The following IGF1R variants were observed in gnomAD, a reference collection of about 807,000 sequenced individuals.
IGF1R encodes insulin like growth factor 1 receptor.
Under a neutral mutation model 144.6 loss-of-function variants are expected in IGF1R, and 44 were observed. That is an observed-to-expected ratio of 0.30 (90% CI 0.24 to 0.39). The LOEUF is 0.39. Among genes scored for constraint, IGF1R ranks in the 10% least tolerant of loss-of-function variants. The pLI, the probability that IGF1R is intolerant of heterozygous loss-of-function variation, is 1.00. For missense variants in IGF1R, 1,355 were observed against 1,833.7 expected, an observed-to-expected ratio of 0.74 and a Z score of 4.77; for synonymous variants, 795 against 722.8, an observed-to-expected ratio of 1.10 and a Z score of -1.60.
At chr15:98,792,010 C>G (rs1035394783) in intron 2 of IGF1R, among the ~76,000 whole-genome samples, 7 of 152,188 alleles carry the variant, frequency 4.6e-5, no homozygotes, top group Non-Finnish European at 1.0e-4. Context: ...CAGGTTTAGA[C>G]AATTCTCCCT....
chr15:98,876,121 A>G (rs2013047739), intron 2 of IGF1R, among the ~76,000 whole-genome samples: 1 of 152,180 alleles, frequency 6.6e-6, no homozygotes, highest in South Asian at 2.1e-4. Flanking sequence ...TGGTTTGGGG[A>G]TCAAATAAGA....
intron 10 of IGF1R, among the ~76,000 whole-genome samples, chr15:98,918,979 G>T (rs73463693): frequency 0.018 from 2,778 of 152,294 alleles, 92 homozygotes; most frequent in African/African-American, 0.062. Flanking sequence ...CTGGTGTGTG[G>T]CAGGGCTTTG....
intron 2 of IGF1R, among the ~76,000 whole-genome samples, chr15:98,750,452 T>C (rs2141332552): frequency 6.6e-6 from 1 of 152,288 alleles, no homozygotes; most frequent in South Asian, 2.1e-4. Context: ...AAGAGCAGAG[T>C]TGGAGCCACA....
intron 2 of IGF1R, among the ~76,000 whole-genome samples, chr15:98,751,885 C>A (rs1411030336): frequency 6.6e-6 from 1 of 152,138 alleles, no homozygotes; most frequent in African/African-American, 2.4e-5. Flanking sequence ...TTTGTGTGGA[C>A]GTCTCCCACC....
intron 1 of IGF1R, among the ~76,000 whole-genome samples, chr15:98,680,084 A>G (rs2053151496): frequency 6.6e-6 from 1 of 152,174 alleles, no homozygotes; most frequent in Non-Finnish European, 1.5e-5. Context: ...TTAATTTATT[A>G]TTGAAGAAAG....
chr15:98,892,527 C>CAA (rs368474118), intron 3 of IGF1R, among the ~76,000 whole-genome samples: 25,637 of 75,478 alleles, frequency 0.34, 3,869 homozygotes, highest in East Asian at 0.62. Flanking sequence ...ACTCTGTCTC[C>CAA]AAAAAAAAAA....
At chr15:98,890,457 T>A (rs1390320698) in intron 2 of IGF1R, 2 of 152,240 alleles carry the variant, frequency 1.3e-5, no homozygotes, top group East Asian at 3.8e-4. Flanking sequence ...CTATATGGTC[T>A]AAAATGGAGA....
intron 2 of IGF1R, among the ~76,000 whole-genome samples, chr15:98,813,496 G>C (rs1298314819): frequency 2.6e-5 from 4 of 152,048 alleles, no homozygotes; most frequent in African/African-American, 4.8e-5. Flanking sequence ...CACAATAAAG[G>C]CTCTCCTCCA....
chr15:98,811,167 G>A (rs1306974948), intron 2 of IGF1R, among the ~76,000 whole-genome samples: 1 of 151,928 alleles, frequency 6.6e-6, no homozygotes, highest in East Asian at 2.0e-4. Context: ...CAGATGTGGT[G>A]GCACATGCCT....
intron 7 of IGF1R, among the ~76,000 whole-genome samples, chr15:98,911,663 G>A (rs578219394): frequency 1.3e-5 from 2 of 152,278 alleles, no homozygotes; most frequent in South Asian, 2.1e-4. Context: ...GTGTTAGCTC[G>A]AGGCCTGTCA....
chr15:98,689,471 C>T (rs1312941686), intron 1 of IGF1R, among the ~76,000 whole-genome samples: 50 of 151,910 alleles, frequency 3.3e-4, no homozygotes, highest in Non-Finnish European at 4.4e-5. Context: ...AAGCCATCTG[C>T]CTGCCTTGGC....
At chr15:98,946,739 T>C (rs1201708658) in intron 19 of IGF1R, among the ~76,000 whole-genome samples, 1 of 152,088 alleles carries the variant, frequency 6.6e-6, no homozygotes, top group Non-Finnish European at 1.5e-5. Context: ...AACTGGGAAC[T>C]TGGAATGGAG....
chr15:98,948,815 C>T (rs1264888686), intron 20 of IGF1R, 107 bp downstream of exon 20: 5 of 1,344,684 alleles, frequency 3.7e-6, no homozygotes, highest in Non-Finnish European at 4.2e-6. Flanking sequence ...TCTGGTCCTG[C>T]GCCTCCCTTG....
At position 98,960,902 on chromosome 15, in the gene IGF1R, C is replaced by G; in HGVS notation, c.*3460C>G. The G allele has an allele frequency of 4.3e-6, 1 of 233,184 alleles. No homozygotes were observed. Among genetic ancestry groups the G allele is most frequent in the Non-Finnish European group, 8.5e-6 (1 of 118,230 alleles). 14.4% of individuals were successfully genotyped at this position (233,184 alleles called of 1,614,324 possible). A position where few individuals can be genotyped will look rare whatever the true frequency, so the allele number is the denominator to read the frequency against. On this transcript the variant is annotated 3_prime_UTR_variant, in exon 21 of 21. Transcript: ENST00000650285. The stretch of plus-strand genomic sequence containing the variant: ...TGGCCGGCGCCGAGGCTCGTGGCGT[C>G]ACGCCCCCCCCGCCAGGGCTGTACC...
At chr15:98,902,746 T>C (rs1476506336) in intron 5 of IGF1R, among the ~76,000 whole-genome samples, 3 of 152,212 alleles carry the variant, frequency 2.0e-5, no homozygotes, top group African/African-American at 7.2e-5. Context: ...AGTGATAACA[T>C]AAATGTTTCC....
At chr15:98,940,272 C>T (rs1458069957) in intron 18 of IGF1R, among the ~76,000 whole-genome samples, 1 of 152,208 alleles carries the variant, frequency 6.6e-6, no homozygotes, top group Non-Finnish European at 1.5e-5. Context: ...TCAAATGGAC[C>T]TCTGTGTCTA....
intron 2 of IGF1R, among the ~76,000 whole-genome samples, chr15:98,751,382 GT>G (rs1400223905): frequency 1.3e-5 from 2 of 151,830 alleles, no homozygotes; most frequent in African/African-American, 4.8e-5. Flanking sequence ...AAAAAAAAAA[GT>G]TTTTTGTAGA....
At chr15:98,934,608 C>A (rs563362719) in intron 15 of IGF1R, among the ~76,000 whole-genome samples, 8 of 152,264 alleles carry the variant, frequency 5.3e-5, no homozygotes, top group African/African-American at 1.9e-4. Flanking sequence ...ATCTTGAAAT[C>A]CTCAGAGATC....
chr15:98,833,049 A>G (rs769060581), intron 2 of IGF1R, among the ~76,000 whole-genome samples: 2 of 152,182 alleles, frequency 1.3e-5, no homozygotes, highest in Admixed American at 1.3e-4. Flanking sequence ...GGACTACATT[A>G]TGGGCCTTTC....
Sources: allele counts gnomAD v4.1 joint callset (sites outside exome capture counted in the v4.1 genomes callset), GRCh38; gene constraint gnomAD v4.1.1; transcripts MANE v1.5; gene names NCBI Gene and HGNC (gene_info 2026-07-23, HGNC 2026-07-21).